Variants in MEGF9 observed in about 807,000 individuals in gnomAD.
The protein encoded by MEGF9 is multiple epidermal growth factor-like domains protein 9.
Under a neutral mutation model 46.8 loss-of-function variants are expected in MEGF9, and 6 were observed. The observed-to-expected ratio is 0.13, with a 90% CI of 0.07 to 0.25. The LOEUF is 0.25. Among genes scored for constraint, MEGF9 ranks in the 10% least tolerant of loss-of-function variants. The pLI is 1.00. For missense variants in MEGF9, 683 were observed against 792.4 expected (o/e 0.86, Z 1.66); for synonymous variants, 302 against 330.7 (o/e 0.91, Z 0.94).
intron 2 of MEGF9, among the ~76,000 whole-genome samples, chr9:120,651,654 ATTT>A (rs201065785): frequency 7.0e-6 from 1 of 142,108 alleles, no homozygotes; most frequent in Non-Finnish European, 1.5e-5. Flanking sequence ...GTATAATAGG[ATTT>A]TTTTTTTTTT....
At chr9:120,681,390 G>C (rs997195497) in intron 1 of MEGF9, among the ~76,000 whole-genome samples, 2 of 152,172 alleles carry the variant, frequency 1.3e-5, no homozygotes, top group African/African-American at 4.8e-5. Context: ...CTGTGGCTGA[G>C]CTTGTATCCA....
chr9:120,703,806 C>A (rs1283378832), intron 1 of MEGF9, among the ~76,000 whole-genome samples: 1 of 151,716 alleles, frequency 6.6e-6, no homozygotes, highest in Non-Finnish European at 1.5e-5. Flanking sequence ...AACCCTGTCT[C>A]TACTGAAAAT....
In MEGF9 at chr9:120,605,379, C is replaced by T. The variant is rs1248129407; in HGVS notation, c.1620G>A (p.Glu540=). ...GFVGAVYMYR[E]YQNRKLNAPF... ...GGGCATTGAGTTTCCGGTTTTGGTA[C>T]TCGCGGTACATATATACAGCCCCCA... is the stretch of plus-strand genomic sequence containing the variant. Residue 540 remains glutamate, a synonymous_variant, in exon 6 of 6, where the codon GAG becomes GAA. Coordinates refer to ENST00000373930, the MANE Select transcript of MEGF9 (RefSeq NM_001080497.3). The surrounding 1 kb of genome is among the most constrained non-coding windows in gnomAD (Gnocchi z 4.0). 3.7e-6 allele frequency: 6 copies of T among 1,613,900 alleles called. No homozygotes were observed. The highest frequency in any genetic ancestry group is 2.7e-5 in the African/African-American group (2 of 74,910).
At chr9:120,641,252 A>AT (rs371490672) in intron 2 of MEGF9, among the ~76,000 whole-genome samples, 148 of 152,298 alleles carry the variant, frequency 9.7e-4, no homozygotes, top group African/African-American at 3.3e-3. Flanking sequence ...GAGACATTCA[A>AT]TGACTAGCCC....
In MEGF9 at chr9:120,602,798, G is replaced by A. The variant is rs968157087; in HGVS notation, c.*2392C>T. On this transcript the variant is annotated 3_prime_UTR_variant, in exon 6 of 6. Transcript: ENST00000373930. The stretch of plus-strand genomic sequence containing the variant: ...GGGCGGTGTATCTGGGAGAAAGACA[G>A]GTATGCCATTTTGCACAATTTCTTA... The A allele has an allele frequency of 6.6e-6, 1 of 152,056 alleles. No homozygotes were observed. Among genetic ancestry groups the A allele is most frequent in the African/African-American group, 2.4e-5 (1 of 41,374 alleles). 9.4% of individuals were successfully genotyped at this position (152,056 alleles called of 1,614,324 possible). A position where few individuals can be genotyped will look rare whatever the true frequency, so the allele number is the denominator to read the frequency against.
chr9:120,661,532 G>A (rs561682219), intron 1 of MEGF9, among the ~76,000 whole-genome samples: 28 of 152,122 alleles, frequency 1.8e-4, no homozygotes, highest in Admixed American at 3.9e-4. Context: ...AATAATTAAC[G>A]TAAAATAAAT....
chr9:120,643,904 G>A (rs1352813951), intron 2 of MEGF9, among the ~76,000 whole-genome samples: 1 of 151,966 alleles, frequency 6.6e-6, no homozygotes, highest in East Asian at 1.9e-4. Flanking sequence ...TTGTAGAGAT[G>A]GGGTCTCCTT....
At chr9:120,672,473 A>T (rs7038946) in intron 1 of MEGF9, among the ~76,000 whole-genome samples, 1,811 of 142,058 alleles carry the variant, frequency 0.013, 42 homozygotes, top group African/African-American at 0.051. Flanking sequence ...AATAAATAAA[A>T]AGCCAGGAAT....
At position 120,638,277 on chromosome 9, in the gene MEGF9, C is replaced by T. The variant is rs190306923; in HGVS notation, c.804-15522G>A. Among the ~76,000 whole-genome samples, 646 of 152,312 alleles carry T rather than the reference C, an allele frequency of 4.2e-3. 5 individuals carry two copies. Among genetic ancestry groups the T allele is most frequent in the African/African-American group, 0.015 (610 of 41,560 alleles). On this transcript the variant is annotated intron_variant, in intron 2 of 5. Transcript: ENST00000373930. ...AAAGTGCTAGGATCACAGGCATGGGCCACCACACCCAGCTGAAAAAGTAAT... is the reference window on the plus strand; with the variant it reads ...AAAGTGCTAGGATCACAGGCATGGGTCACCACACCCAGCTGAAAAAGTAAT...
chr9:120,639,199 T>C (rs2043591499), intron 2 of MEGF9, among the ~76,000 whole-genome samples: 2 of 151,950 alleles, frequency 1.3e-5, no homozygotes, highest in Non-Finnish European at 2.9e-5. Flanking sequence ...GAGAGTATTT[T>C]AGTGAAATAG....
At chr9:120,629,501 G>A (rs1348938746) in intron 2 of MEGF9, among the ~76,000 whole-genome samples, 1 of 152,138 alleles carries the variant, frequency 6.6e-6, no homozygotes, top group Non-Finnish European at 1.5e-5. Context: ...TTAATGGCAT[G>A]GTGGCACACG....
chr9:120,694,332 G>A (rs2043864881), intron 1 of MEGF9, among the ~76,000 whole-genome samples: 1 of 152,204 alleles, frequency 6.6e-6, no homozygotes, highest in Admixed American at 6.5e-5. Flanking sequence ...GTAAAGTTGG[G>A]TAACACTGCT....
intron 1 of MEGF9, among the ~76,000 whole-genome samples, chr9:120,697,323 T>A (rs1239852926): frequency 6.6e-6 from 1 of 152,210 alleles, no homozygotes; most frequent in Admixed American, 6.5e-5. Context: ...GCTCAAGTGA[T>A]CTGGCCCTCT....
intron 1 of MEGF9, among the ~76,000 whole-genome samples, chr9:120,681,267 C>T (rs183324594): frequency 1.3e-5 from 2 of 152,300 alleles, no homozygotes; most frequent in East Asian, 3.9e-4. Flanking sequence ...AGGACTGGGT[C>T]CTTCCCTTGA....
chr9:120,651,049 CAA>C (rs1275625042), intron 2 of MEGF9, among the ~76,000 whole-genome samples: 7 of 152,164 alleles, frequency 4.6e-5, no homozygotes, highest in Admixed American at 4.6e-4. Flanking sequence ...AATTTCTTGA[CAA>C]GAGCAAAAGC....
chr9:120,605,749 G>C lies in MEGF9; in HGVS notation c.1358-108C>G. 2.5e-6 allele frequency: 2 copies of C among 789,508 alleles called. No individual in the cohort carries two copies. Among genetic ancestry groups the C allele is most frequent in the Non-Finnish European group, 4.0e-6 (2 of 499,036 alleles). 48.9% of individuals were successfully genotyped at this position (789,508 alleles called of 1,614,324 possible). A position where few individuals can be genotyped will look rare whatever the true frequency, so the allele number is the denominator to read the frequency against. ...GAATGTTGATGTAGGATGTTAACAT[G>C]ATATTCTGCTTTAAGGTAATGCAAG... On this transcript the variant is annotated intron_variant, in intron 5 of 5. Transcript: ENST00000373930. The surrounding 1 kb of genome is among the most constrained non-coding windows in gnomAD (Gnocchi z 4.0).
Position 120,601,378 on chromosome 9 carries a change from C to T in MEGF9, c.*3812G>A, listed in dbSNP as rs903469487. 8 of 152,146 alleles carry T rather than the reference C, an allele frequency of 5.3e-5. No homozygotes were observed. Among genetic ancestry groups the T allele is most frequent in the Admixed American group, 5.2e-4 (8 of 15,274 alleles). 9.4% of individuals were successfully genotyped at this position (152,146 alleles called of 1,614,324 possible). A position where few individuals can be genotyped will look rare whatever the true frequency, so the allele number is the denominator to read the frequency against. ...GGACCAAGGTGAATGATCTAATAACCCCATTCCAATCAAAGCTGTCAAGAG... is the reference window on the plus strand; with the variant it reads ...GGACCAAGGTGAATGATCTAATAACTCCATTCCAATCAAAGCTGTCAAGAG... On this transcript the variant is annotated 3_prime_UTR_variant, in exon 6 of 6. Transcript: ENST00000373930.
At chr9:120,680,808 G>A (rs774685389) in intron 1 of MEGF9, among the ~76,000 whole-genome samples, 1 of 152,078 alleles carries the variant, frequency 6.6e-6, no homozygotes, top group Non-Finnish European at 1.5e-5. Flanking sequence ...CTCTTCCTGT[G>A]GCCACCACCA....
intron 1 of MEGF9, among the ~76,000 whole-genome samples, chr9:120,669,879 C>A (rs2043740950): frequency 6.6e-6 from 1 of 152,040 alleles, no homozygotes; most frequent in Admixed American, 6.6e-5. Flanking sequence ...AATAAATGCT[C>A]TAAAATAAGG....
Sources: gnomAD v4.1 joint callset for allele counts (sites outside exome capture counted in the v4.1 genomes callset) on GRCh38, gnomAD v4.1.1 for gene constraint, Gnocchi (gnomAD v3.1) non-coding constraint, MANE v1.5 for transcripts, NCBI Gene and HGNC (gene_info 2026-07-23, HGNC 2026-07-21) for gene names.